The following CACNA2D1 variants were observed in gnomAD, a reference collection of about 807,000 sequenced individuals.
CACNA2D1 encodes calcium voltage-gated channel auxiliary subunit alpha2delta 1.
In CACNA2D1, 53 loss-of-function variants were observed where a neutral mutation model predicts 171.5. The ratio of observed to expected loss-of-function variants is 0.31; its 90% CI spans 0.25 to 0.39. The LOEUF (loss-of-function observed/expected upper bound fraction) is 0.39, where lower values mean the gene tolerates loss of function less well. Among genes scored for constraint, CACNA2D1 ranks in the 10% least tolerant of loss-of-function variants. The pLI is 1.00. For synonymous variants in CACNA2D1, 442 were observed against 443.1 expected, an observed-to-expected ratio of 1.00 and a Z score of 0.03; for missense variants, 903 against 1,299.8, an observed-to-expected ratio of 0.69 and a Z score of 4.69.
chr7:82,063,532 T>C (rs1346590112), intron 9 of CACNA2D1, among the ~76,000 whole-genome samples: 2 of 152,080 alleles, frequency 1.3e-5, no homozygotes, highest in African/African-American at 4.8e-5. Flanking sequence ...AATTACTAGA[T>C]TTTGTTTCTT....
At chr7:82,341,658 C>T (rs1237220119) in intron 2 of CACNA2D1, among the ~76,000 whole-genome samples, 1 of 152,054 alleles carries the variant, frequency 6.6e-6, no homozygotes, top group East Asian at 1.9e-4. Flanking sequence ...AATGCAAATA[C>T]CAACTGCTAA....
At chr7:82,226,403 T>A (rs548165946) in intron 3 of CACNA2D1, among the ~76,000 whole-genome samples, 1 of 152,348 alleles carries the variant, frequency 6.6e-6, no homozygotes, top group South Asian at 2.1e-4. Flanking sequence ...TAAGCAATTA[T>A]GACATAGACT....
chr7:82,373,880 C>G (rs1269780446), intron 1 of CACNA2D1, among the ~76,000 whole-genome samples: 1 of 152,220 alleles, frequency 6.6e-6, no homozygotes, highest in African/African-American at 2.4e-5. Context: ...TGGTGTTTCA[C>G]TTGCTTCTAT....
chr7:82,243,397 T>A (rs1287335697), intron 3 of CACNA2D1, among the ~76,000 whole-genome samples: 1 of 152,200 alleles, frequency 6.6e-6, no homozygotes, highest in East Asian at 1.9e-4. Flanking sequence ...AAATATTTTT[T>A]AAAGATGGTT....
At chr7:82,427,863 T>G (rs558449018) in intron 1 of CACNA2D1, among the ~76,000 whole-genome samples, 2 of 152,292 alleles carry the variant, frequency 1.3e-5, no homozygotes, top group African/African-American at 4.8e-5. Context: ...ATATCTGTCC[T>G]CTGTTTCAGA....
intron 2 of CACNA2D1, among the ~76,000 whole-genome samples, chr7:82,342,524 T>C (rs1818797219): frequency 6.6e-6 from 1 of 152,216 alleles, no homozygotes; most frequent in Non-Finnish European, 1.5e-5. Context: ...TTAAGTAAGA[T>C]GCTATGCAGT....
At chr7:82,371,613 T>C (rs1253887517) in intron 1 of CACNA2D1, among the ~76,000 whole-genome samples, 1 of 152,140 alleles carries the variant, frequency 6.6e-6, no homozygotes, top group African/African-American at 2.4e-5. Flanking sequence ...AGAGCTTCTC[T>C]CTTGTTGCCC....
rs1270648248 is a variant in CACNA2D1, at chr7:81,949,759, C to G, written c.*633G>C. The G allele has an allele frequency of 6.6e-6, 1 of 152,094 alleles. No homozygotes were observed. Among genetic ancestry groups the G allele is most frequent in the African/African-American group, 2.4e-5 (1 of 41,410 alleles). 9.4% of individuals were successfully genotyped at this position (152,094 alleles called of 1,614,324 possible). On this transcript the variant is annotated 3_prime_UTR_variant, in exon 39 of 39. Coordinates refer to ENST00000356860, the MANE Select transcript of CACNA2D1 (RefSeq NM_000722.4). Reference sequence around the variant, plus strand: ...TATTTTCAAACCATCAATTCATTACCCCATCAAAATTGAATTGGTCATCAA... The same window carrying G: ...TATTTTCAAACCATCAATTCATTACGCCATCAAAATTGAATTGGTCATCAA...
intron 31 of CACNA2D1, among the ~76,000 whole-genome samples, chr7:81,966,109 CTATT>C (rs558635015): frequency 1.3e-5 from 2 of 151,664 alleles, no homozygotes; most frequent in African/African-American, 4.8e-5. Flanking sequence ...TACTATAAGA[CTATT>C]TATAATTATT....
intron 24 of CACNA2D1, among the ~76,000 whole-genome samples, chr7:81,975,137 T>C (rs1316365923): frequency 6.6e-6 from 1 of 152,108 alleles, no homozygotes; most frequent in Non-Finnish European, 1.5e-5. Context: ...AGTTTCCTGG[T>C]TGTGATACTG....
chr7:82,355,571 A>C (rs542334336), intron 1 of CACNA2D1, among the ~76,000 whole-genome samples: 1 of 152,208 alleles, frequency 6.6e-6, no homozygotes, highest in African/African-American at 2.4e-5. Flanking sequence ...GTCAAGGTAC[A>C]TATGCAACAG....
chr7:82,236,072 T>G (rs921583394), intron 3 of CACNA2D1, among the ~76,000 whole-genome samples: 1 of 151,910 alleles, frequency 6.6e-6, no homozygotes, highest in African/African-American at 2.4e-5. Context: ...CAGAAATGAG[T>G]AGGCTAACAT....
intron 1 of CACNA2D1, among the ~76,000 whole-genome samples, chr7:82,431,961 C>G (rs1010752900): frequency 6.9e-6 from 1 of 145,112 alleles, no homozygotes; most frequent in East Asian, 2.0e-4. Flanking sequence ...TCACTTGAAC[C>G]CAGGAGGTGG....
chr7:82,108,696 A>T (rs567971054), intron 6 of CACNA2D1, among the ~76,000 whole-genome samples: 1 of 152,322 alleles, frequency 6.6e-6, no homozygotes, highest in South Asian at 2.1e-4. Flanking sequence ...GAAAGTCAAT[A>T]GTATATTGTT....
intron 3 of CACNA2D1, among the ~76,000 whole-genome samples, chr7:82,229,296 G>C (rs1802662871): frequency 6.6e-6 from 1 of 151,970 alleles, no homozygotes; most frequent in African/African-American, 2.4e-5. Context: ...CCCTTTCAGA[G>C]CACCTCACTT....
chr7:81,965,569 AT>A (rs1362290620), intron 32 of CACNA2D1, 24 bp downstream of exon 32: 1 of 1,259,082 alleles, frequency 7.9e-7, no homozygotes, highest in East Asian at 2.3e-5. Flanking sequence ...GGAAAGCCTA[AT>A]TCCCTCTTAT....
chr7:82,052,208 G>GA (rs531328482), intron 10 of CACNA2D1, among the ~76,000 whole-genome samples: 15 of 152,122 alleles, frequency 9.9e-5, no homozygotes, highest in African/African-American at 3.1e-4. Flanking sequence ...GGTCTCTAAG[G>GA]AAAAATTACG....
intron 7 of CACNA2D1, among the ~76,000 whole-genome samples, chr7:82,074,443 G>A (rs1241806254): frequency 6.6e-6 from 1 of 152,100 alleles, no homozygotes; most frequent in Non-Finnish European, 1.5e-5. Flanking sequence ...GGCCAGGCTG[G>A]TCTTGAACTT....
intron 3 of CACNA2D1, among the ~76,000 whole-genome samples, chr7:82,247,635 T>A (rs1042284191): frequency 4.6e-5 from 7 of 152,180 alleles, no homozygotes; most frequent in Non-Finnish European, 1.0e-4. Context: ...AAACACAGGC[T>A]TGTTTTGATT....
Sources: gnomAD v4.1 joint callset for allele counts (sites outside exome capture counted in the v4.1 genomes callset) on GRCh38, gnomAD v4.1.1 for gene constraint, MANE v1.5 for transcripts, NCBI Gene and HGNC (gene_info 2026-07-23, HGNC 2026-07-21) for gene names.